PDGFD: variants seen among roughly 807,000 people sequenced by gnomAD.
The protein encoded by PDGFD is platelet derived growth factor D.
In PDGFD, 30 loss-of-function variants were observed where a neutral mutation model predicts 44.7. The observed-to-expected ratio is 0.67, with a 90% CI of 0.50 to 0.91. The LOEUF is 0.91. Among genes scored for constraint, PDGFD ranks in the 40% least tolerant of loss-of-function variants. The pLI is 0.00. For missense variants in PDGFD, 445 were observed against 457.8 expected (o/e 0.97, Z 0.25); for synonymous variants, 173 against 168.4 (o/e 1.03, Z -0.21).
At chr11:103,987,658 G>A (rs547032140) in intron 3 of PDGFD, among the ~76,000 whole-genome samples, 2 of 152,260 alleles carry the variant, frequency 1.3e-5, no homozygotes, top group African/African-American at 4.8e-5. Context: ...TAATGAAACT[G>A]CTACTTTTGA....
intron 3 of PDGFD, among the ~76,000 whole-genome samples, chr11:103,991,315 T>C (rs1859448481): frequency 6.6e-6 from 1 of 152,086 alleles, no homozygotes; most frequent in Admixed American, 6.6e-5. Flanking sequence ...GTTCTCCTCC[T>C]CTCTTCCTTC....
intron 1 of PDGFD, among the ~76,000 whole-genome samples, chr11:104,114,250 A>T (rs1267811596): frequency 6.6e-6 from 1 of 151,942 alleles, no homozygotes; most frequent in Non-Finnish European, 1.5e-5. Context: ...TCTGTGATCC[A>T]TTTTGAGTTA....
intron 1 of PDGFD, among the ~76,000 whole-genome samples, chr11:104,153,586 T>C (rs1862270924): frequency 6.6e-6 from 1 of 152,052 alleles, no homozygotes; most frequent in South Asian, 2.1e-4. Flanking sequence ...ACTCAACAGT[T>C]CATTCAAAAA....
chr11:103,913,316 G>A (rs558943663), intron 6 of PDGFD, among the ~76,000 whole-genome samples: 2 of 152,304 alleles, frequency 1.3e-5, no homozygotes, highest in East Asian at 3.9e-4. Flanking sequence ...AGACTACAGT[G>A]CAATCTATTT....
intron 1 of PDGFD, among the ~76,000 whole-genome samples, chr11:104,098,883 A>G (rs1050373528): frequency 5.9e-5 from 9 of 152,152 alleles, no homozygotes; most frequent in African/African-American, 1.9e-4. Context: ...GCAAGCCACA[A>G]AAAATACAAA....
chr11:104,059,458 G>A (rs1170322574), intron 1 of PDGFD, among the ~76,000 whole-genome samples: 1 of 151,940 alleles, frequency 6.6e-6, no homozygotes, highest in East Asian at 1.9e-4. Context: ...TTTTACAAAT[G>A]TAACATCCCT....
intron 5 of PDGFD, among the ~76,000 whole-genome samples, chr11:103,935,240 C>T (rs1233907451): frequency 6.6e-6 from 1 of 152,058 alleles, no homozygotes; most frequent in Non-Finnish European, 1.5e-5. Flanking sequence ...CGGACAACTG[C>T]GTCTAGGATG....
intron 1 of PDGFD, chr11:104,036,576 A>G: frequency 1.8e-6 from 1 of 554,864 alleles, no homozygotes; most frequent in Non-Finnish European, 3.2e-6. Context: ...CAAACAGCAC[A>G]CTTAGAAATG....
At chr11:103,951,034 C>G (rs1334932813) in intron 3 of PDGFD, among the ~76,000 whole-genome samples, 1 of 152,156 alleles carries the variant, frequency 6.6e-6, no homozygotes, top group Non-Finnish European at 1.5e-5. Context: ...TCTTCACTGT[C>G]TGGGCTACAG....
At chr11:103,995,646 A>G (rs1428558122) in intron 3 of PDGFD, among the ~76,000 whole-genome samples, 2 of 152,192 alleles carry the variant, frequency 1.3e-5, no homozygotes, top group African/African-American at 4.8e-5. Context: ...AATCATCAGG[A>G]CTTTCTTCTG....
intron 1 of PDGFD, among the ~76,000 whole-genome samples, chr11:104,145,772 T>G (rs1862153182): frequency 6.6e-6 from 1 of 152,150 alleles, no homozygotes; most frequent in Non-Finnish European, 1.5e-5. Flanking sequence ...GTGCTTGTAT[T>G]TAGAAATAGG....
chr11:104,039,391 A>C (rs1280823060), intron 1 of PDGFD, among the ~76,000 whole-genome samples: 2 of 152,110 alleles, frequency 1.3e-5, no homozygotes, highest in East Asian at 1.9e-4. Flanking sequence ...AGCCACATAA[A>C]GCATTCCCAA....
intron 1 of PDGFD, among the ~76,000 whole-genome samples, chr11:104,148,494 T>C (rs1485498699): frequency 6.6e-6 from 1 of 152,078 alleles, no homozygotes; most frequent in African/African-American, 2.4e-5. Context: ...TTTTGAAGAT[T>C]TAGTATTATA....
At chr11:103,992,935 G>T (rs2134360694) in intron 3 of PDGFD, among the ~76,000 whole-genome samples, 1 of 152,278 alleles carries the variant, frequency 6.6e-6, no homozygotes, top group East Asian at 1.9e-4. Flanking sequence ...GAGCAGAGAT[G>T]TTCCATGGGA....
chr11:103,959,404 G>A (rs1159868441), intron 3 of PDGFD, among the ~76,000 whole-genome samples: 2 of 152,162 alleles, frequency 1.3e-5, no homozygotes, highest in East Asian at 1.9e-4. Flanking sequence ...AGTCATTTAT[G>A]TGGTTAAACT....
intron 1 of PDGFD, among the ~76,000 whole-genome samples, chr11:104,046,905 G>A (rs951467402): frequency 1.4e-5 from 2 of 145,564 alleles, no homozygotes; most frequent in South Asian, 2.4e-4. Context: ...CTCCACCCCC[G>A]ACAGGCTCCA....
At chr11:103,978,406 C>G (rs906737674) in intron 3 of PDGFD, among the ~76,000 whole-genome samples, 1 of 151,990 alleles carries the variant, frequency 6.6e-6, no homozygotes, top group Non-Finnish European at 1.5e-5. Context: ...AACATGTAAG[C>G]TAGAATGCTG....
chr11:104,000,745 G>A (rs1448694238), intron 1 of PDGFD, among the ~76,000 whole-genome samples: 3 of 152,102 alleles, frequency 2.0e-5, no homozygotes, highest in African/African-American at 7.2e-5. Context: ...CATTTAGTAT[G>A]GATTAGAATC....
At chr11:103,952,545 G>C (rs978471604) in intron 3 of PDGFD, among the ~76,000 whole-genome samples, 3 of 152,110 alleles carry the variant, frequency 2.0e-5, no homozygotes, top group African/African-American at 4.8e-5. Context: ...GTACCTTATA[G>C]AGACCATCTG....
Sources: allele counts gnomAD v4.1 joint callset (sites outside exome capture counted in the v4.1 genomes callset), GRCh38; gene constraint gnomAD v4.1.1; transcripts MANE v1.5; gene names NCBI Gene and HGNC (gene_info 2026-07-23, HGNC 2026-07-21).